PGR: variants seen among roughly 807,000 people sequenced by gnomAD.
The protein encoded by PGR is nuclear receptor subfamily 3 group C member 3.
PGR carries 25 observed loss-of-function variants against 76.1 expected under a neutral mutation model. The ratio of observed to expected loss-of-function variants is 0.33; its 90% CI spans 0.24 to 0.46. The LOEUF is 0.46. PGR is among the 20% of genes least tolerant of loss of function. PGR has a pLI of 1.00. For missense variants in PGR, 1,172 were observed against 1,225.3 expected (o/e 0.96, Z 0.65); for synonymous variants, 579 against 535.0 (o/e 1.08, Z -1.14).
Position 101,034,125 on chromosome 11 carries a change from T to C in PGR, c.*4991A>G. ...ATTTCTCTAAAAATGCTTTATCGGT[T>C]AAAGCTTTCAACCAGCTTAAAAATA... On this transcript the variant is annotated 3_prime_UTR_variant, in exon 8 of 8. Transcript: ENST00000325455. The C allele has an allele frequency of 4.3e-6, 1 of 230,422 alleles. No homozygotes were observed. The highest frequency in any genetic ancestry group is 8.6e-6 in the Non-Finnish European group (1 of 116,280). 14.3% of individuals were successfully genotyped at this position (230,422 alleles called of 1,614,324 possible).
At chr11:101,047,191 G>A (rs1228337550) in intron 6 of PGR, among the ~76,000 whole-genome samples, 1 of 152,122 alleles carries the variant, frequency 6.6e-6, no homozygotes, top group East Asian at 1.9e-4. Flanking sequence ...GTTTCTAAGT[G>A]ACAACAATGA....
chr11:101,046,109 TTATTTTTA>T (rs1157009900), intron 6 of PGR, among the ~76,000 whole-genome samples: 1,538 of 137,122 alleles, frequency 0.011, 33 homozygotes, highest in African/African-American at 0.042. Context: ...TGTAATTTAT[TTATTTTTA>T]TTTATTTATT....
At chr11:101,044,144 GA>G (rs1482673187) in intron 6 of PGR, among the ~76,000 whole-genome samples, 1 of 152,160 alleles carries the variant, frequency 6.6e-6, no homozygotes, top group Non-Finnish European at 1.5e-5. Flanking sequence ...TATCTACCCT[GA>G]AAACCTGTTT....
Position 101,128,533 on chromosome 11 carries a change from C to A in PGR, c.538G>T (p.Ala180Ser). The A allele has an allele frequency of 6.2e-7, 1 of 1,600,234 alleles. No individual in the cohort carries two copies. ...CCCCGGGGCAGCACTTTATGGGCAG[C>A]TGCCGTCCCGGAGCTGTCTCCAACC... is the stretch of plus-strand genomic sequence containing the variant. ...CKVGDSSGTAAAHKVLPRGLS... is the reference protein window; with the variant it reads ...CKVGDSSGTASAHKVLPRGLS... The change falls in exon 1 of 8, where the codon GCT becomes TCT. Residue 180 changes from alanine to serine, a missense_variant. Physicochemically the swap from Ala to Ser is moderately conservative, Grantham distance 99. This residue lies in a region of PGR where 893 missense variants were observed against 785.9 expected (regional missense o/e 1.14). Transcript: ENST00000325455.
chr11:101,126,250 G>T, intron 1 of PGR, 92 bp from the exon 2 acceptor site: 1 of 1,244,338 alleles, frequency 8.0e-7, no homozygotes. Flanking sequence ...CAGGGTGAAA[G>T]GAGATTTTAA....
rs530125225 is a variant in PGR, at chr11:101,032,667, T to C, written c.*6449A>G. 4.6e-6 allele frequency: 1 copy of C among 217,066 alleles called. No homozygotes were observed. Among genetic ancestry groups the C allele is most frequent in the African/African-American group, 2.2e-5 (1 of 44,536 alleles). The allele number at this position is 217,066 out of a possible 1,614,324, so 13.4% of individuals were successfully genotyped here. ...TATAGATTGTGGCTTAGCTTTGACT[T>C]TTTTCAGGATGCCTCTGCTAACCCC... On this transcript the variant is annotated 3_prime_UTR_variant, in exon 8 of 8. Coordinates refer to ENST00000325455, the MANE Select transcript of PGR (RefSeq NM_000926.4).
intron 3 of PGR, among the ~76,000 whole-genome samples, chr11:101,071,304 A>G (rs1411171499): frequency 1.3e-5 from 2 of 152,162 alleles, no homozygotes; most frequent in Admixed American, 1.3e-4. Flanking sequence ...ATGTCCACAC[A>G]AAAACCCCAT....
intron 2 of PGR, among the ~76,000 whole-genome samples, chr11:101,124,409 C>G (rs574818313): frequency 6.6e-6 from 1 of 152,074 alleles, no homozygotes; most frequent in South Asian, 2.1e-4. Flanking sequence ...GATTTACAAG[C>G]GCTGCAATGT....
At position 101,035,375 on chromosome 11, in the gene PGR, G is replaced by C. The variant is rs1321714635; in HGVS notation, c.*3741C>G. On this transcript the variant is annotated 3_prime_UTR_variant, in exon 8 of 8. Coordinates refer to ENST00000325455, the MANE Select transcript of PGR (RefSeq NM_000926.4). ...AAGTATGGATGAGAGAAACTGCTCA[G>C]GTATTCACAGCAAAAACTAAAAATG... The C allele has an allele frequency of 1.3e-5, 3 of 230,930 alleles. No homozygotes were observed. Among genetic ancestry groups the C allele is most frequent in the African/African-American group, 6.6e-5 (3 of 45,210 alleles). The allele number at this position is 230,930 out of a possible 1,614,324, so 14.3% of individuals were successfully genotyped here. A position where few individuals can be genotyped will look rare whatever the true frequency, so the allele number is the denominator to read the frequency against.
At chr11:101,127,325 C>G (rs1000524595) in intron 1 of PGR, 109 bp downstream of exon 1, 3 of 807,114 alleles carry the variant, frequency 3.7e-6, no homozygotes, top group Non-Finnish European at 3.6e-6. Context: ...CCGGCCGCCC[C>G]GGGGAGCGCA....
chr11:101,043,530 A>T (rs1859765138), intron 6 of PGR, among the ~76,000 whole-genome samples: 1 of 152,156 alleles, frequency 6.6e-6, no homozygotes, highest in South Asian at 2.1e-4. Context: ...AATGTTCTTA[A>T]TGGCATCTAG....
At position 101,035,980 on chromosome 11, in the gene PGR, T is replaced by C; in HGVS notation, c.*3136A>G. The stretch of plus-strand genomic sequence containing the variant: ...CTGTATACGTTTTTTTTGGTTTCCA[T>C]TTCTATTCATTACAAAGCACTTGGG... On this transcript the variant is annotated 3_prime_UTR_variant, in exon 8 of 8. Coordinates refer to ENST00000325455, the MANE Select transcript of PGR (RefSeq NM_000926.4). 4.4e-6 allele frequency: 1 copy of C among 227,346 alleles called. No individual in the cohort carries two copies. The highest frequency in any genetic ancestry group is 5.7e-5 in the Admixed American group (1 of 17,586). The allele number at this position is 227,346 out of a possible 1,614,324, so 14.1% of individuals were successfully genotyped here.
chr11:101,078,758 G>A (rs1861209631), intron 3 of PGR, among the ~76,000 whole-genome samples: 1 of 152,148 alleles, frequency 6.6e-6, no homozygotes, highest in Admixed American at 6.5e-5. Context: ...CAAAATCTAT[G>A]TCATGACATG....
chr11:101,074,386 A>G (rs1407511237), intron 3 of PGR, among the ~76,000 whole-genome samples: 1 of 152,236 alleles, frequency 6.6e-6, no homozygotes, highest in Non-Finnish European at 1.5e-5. Flanking sequence ...AATAGGCAAA[A>G]GCTGAAAGCA....
In PGR at chr11:101,127,921, C is replaced by T. The variant is rs1345400480; in HGVS notation, c.1150G>A (p.Ala384Thr). Residue 384 changes from alanine to threonine, a missense_variant, in exon 1 of 8, where the codon GCT becomes ACT. Physicochemically the swap from Ala to Thr is moderately conservative, Grantham distance 58 (BLOSUM62 0). Around this residue, in one of 4 missense-constraint regions of PGR, gnomAD observed 893 missense variants for 785.9 expected, o/e 1.14. Coordinates refer to ENST00000325455, the MANE Select transcript of PGR (RefSeq NM_000926.4). Reference sequence around the variant, plus strand: ...TCCTCCTCCTCCTTTATCTTTAGAGCGGGCGGCTGGAAGTCGCTATAGAGA... The same window carrying T: ...TCCTCCTCCTCCTTTATCTTTAGAGTGGGCGGCTGGAAGTCGCTATAGAGA... ...YPLYSDFQPP[A>T]LKIKEEEEGA... The T allele has an allele frequency of 1.2e-6, 2 of 1,610,666 alleles. No homozygotes were observed. Among genetic ancestry groups the T allele is most frequent in the East Asian group, 2.2e-5 (1 of 44,660 alleles).
In PGR at chr11:101,030,721, T is replaced by C. The variant is rs1859324486; in HGVS notation, c.*8395A>G. On this transcript the variant is annotated 3_prime_UTR_variant, in exon 8 of 8. Coordinates refer to ENST00000325455, the MANE Select transcript of PGR (RefSeq NM_000926.4). ...TCCACAGAAAGGCAAGTCTGGAGAT[T>C]AGGGCTTTCTCAAGCGAAAAACATG... 4.8e-6 allele frequency: 1 copy of C among 207,038 alleles called. No individual in the cohort carries two copies. Among genetic ancestry groups the C allele is most frequent in the South Asian group, 1.9e-4 (1 of 5,302 alleles). The allele number at this position is 207,038 out of a possible 1,614,324, so 12.8% of individuals were successfully genotyped here.
intron 3 of PGR, among the ~76,000 whole-genome samples, chr11:101,068,846 A>G (rs1462262453): frequency 6.6e-6 from 1 of 152,214 alleles, no homozygotes; most frequent in African/African-American, 2.4e-5. Flanking sequence ...CCCCTTCCCT[A>G]CACCTAATAC....
chr11:101,063,253 C>A (rs1170871214), intron 3 of PGR: 1 of 152,716 alleles, frequency 6.5e-6, no homozygotes, highest in Non-Finnish European at 1.5e-5. Flanking sequence ...TGTTTGCCAG[C>A]CCCACAAAAT....
rs956559116 is a variant in PGR, at chr11:101,041,831, A to G, written c.2646+114T>C. The G allele has an allele frequency of 3.7e-4, 344 of 935,456 alleles. 4 individuals carry two copies. In the Admixed American group the frequency reaches 6.7e-3, roughly 18 times the overall value. The allele number at this position is 935,456 out of a possible 1,614,324, so 57.9% of individuals were successfully genotyped here. A position where few individuals can be genotyped will look rare whatever the true frequency, so the allele number is the denominator to read the frequency against. ...GCAGCATGATCCAAACACTTTTAACATACAAGTATTAATCTGAGAAAATCA... is the reference window on the plus strand; with the variant it reads ...GCAGCATGATCCAAACACTTTTAACGTACAAGTATTAATCTGAGAAAATCA... On this transcript the variant is annotated intron_variant, in intron 7 of 7. Transcript: ENST00000325455.
Sources: gnomAD v4.1 joint callset for allele counts (sites outside exome capture counted in the v4.1 genomes callset) on GRCh38, gnomAD v4.1.1 for gene constraint, gnomAD v4.1.1 regional missense constraint, MANE v1.5 for transcripts, NCBI Gene and HGNC (gene_info 2026-07-23, HGNC 2026-07-21) for gene names.